The following BCKDHA variants were observed in gnomAD, a reference collection of about 807,000 sequenced individuals.
BCKDHA encodes the protein 2-oxoisovalerate dehydrogenase subunit alpha, mitochondrial.
BCKDHA carries 43 observed loss-of-function variants against 52.2 expected under a neutral mutation model. That is an observed-to-expected ratio of 0.82 (90% CI 0.64 to 1.06). The LOEUF (loss-of-function observed/expected upper bound fraction) is 1.06, where lower values mean the gene tolerates loss of function less well. Ranked by LOEUF, BCKDHA falls within the 50% of genes least tolerant of loss-of-function variation. The pLI, the probability that BCKDHA is intolerant of heterozygous loss-of-function variation, is 0.00. For synonymous variants in BCKDHA, 234 were observed against 247.9 expected (o/e 0.94, Z 0.53); for missense variants, 527 against 621.3 (o/e 0.85, Z 1.61).
At chr19:41,411,206 C>A (rs2039250384) in intron 3 of BCKDHA, among the ~76,000 whole-genome samples, 197 bp downstream of exon 3, 1 of 152,114 alleles carries the variant, frequency 6.6e-6, no homozygotes, top group Non-Finnish European at 1.5e-5. Flanking sequence ...TGGACCTGAT[C>A]ACTAAAAAAC....
At chr19:41,401,466 T>A (rs2039138291) in intron 1 of BCKDHA, among the ~76,000 whole-genome samples, 2 of 152,152 alleles carry the variant, frequency 1.3e-5, no homozygotes, top group South Asian at 4.1e-4. Flanking sequence ...GATTACTGGG[T>A]TCACTGGGGA....
At chr19:41,413,926 G>C in intron 3 of BCKDHA, 123 bp from the exon 4 acceptor site, 1 of 842,444 alleles carries the variant, frequency 1.2e-6, no homozygotes, top group Non-Finnish European at 2.0e-6. Context: ...GCCTGGCCCA[G>C]GACTGGCCTT....
At chr19:41,413,984 G>T in intron 3 of BCKDHA, 65 bp from the exon 4 acceptor site, 1 of 1,373,124 alleles carries the variant, frequency 7.3e-7, no homozygotes. Context: ...GGCAGGATTT[G>T]GATGGCTCTC....
chr19:41,421,942 T>G (rs1359600466), intron 5 of BCKDHA, among the ~76,000 whole-genome samples: 1 of 152,070 alleles, frequency 6.6e-6, no homozygotes, highest in Admixed American at 6.5e-5. Flanking sequence ...ACTGGACTCT[T>G]CAGCCTGAGC....
Position 41,422,335 on chromosome 19 carries a change from C to T in BCKDHA, c.818C>T (p.Thr273Met), listed in dbSNP as rs1260556921. The T allele has an allele frequency of 4.3e-6, 7 of 1,614,106 alleles. No individual in the cohort carries two copies. Among genetic ancestry groups the T allele is most frequent in the African/African-American group, 4.0e-5 (3 of 74,936 alleles). ...CGGAACAATGGCTACGCCATCTCCA[C>T]GCCCACCTCTGAGCAGTATCGCGGC... ...FCRNNGYAIS[T>M]PTSEQYRGDG... Residue 273 changes from threonine (T) to methionine (M), a missense_variant, in exon 6 of 9, where the codon ACG (threonine) becomes ATG (methionine). By Grantham distance (81) the Thr-to-Met change is moderately conservative. Coordinates refer to ENST00000269980, the MANE Select transcript of BCKDHA (RefSeq NM_000709.4).
intron 1 of BCKDHA, among the ~76,000 whole-genome samples, chr19:41,399,076 GA>G (rs2039108439): frequency 6.6e-6 from 1 of 151,994 alleles, no homozygotes; most frequent in Non-Finnish European, 1.5e-5. Flanking sequence ...AGGCCCTGGG[GA>G]AAAAAATCTG....
chr19:41,420,196 T>C lies in BCKDHA; in HGVS notation c.646+900T>C, dbSNP rs138062013. On this transcript the variant is annotated intron_variant, in intron 5 of 8. Coordinates refer to ENST00000269980, the MANE Select transcript of BCKDHA (RefSeq NM_000709.4). ...CTGGATTTCCCAACCACATGCCTAC[T>C]GCATTTGTCTGCTCACAAACATAGC... 1.5e-3 allele frequency among the ~76,000 whole-genome samples: 234 copies of C among 152,328 alleles called. 1 individual carries two copies. The highest frequency in any genetic ancestry group is 5.4e-3 in the African/African-American group (226 of 41,582).
chr19:41,423,834 A>G (rs1190106591), intron 8 of BCKDHA, among the ~76,000 whole-genome samples: 2 of 150,750 alleles, frequency 1.3e-5, no homozygotes, highest in Non-Finnish European at 3.0e-5. Flanking sequence ...CTCCATCTCA[A>G]AAAAAAAAAT....
At chr19:41,410,593 G>A (rs1758071750) in intron 1 of BCKDHA, 44 bp from the exon 2 acceptor site, 1 of 1,611,978 alleles carries the variant, frequency 6.2e-7, no homozygotes, top group Non-Finnish European at 8.5e-7. Context: ...GGAAACCTGG[G>A]TGCTGCTTCT....
chr19:41,404,797 G>A (rs961150694), intron 1 of BCKDHA, among the ~76,000 whole-genome samples: 5 of 151,886 alleles, frequency 3.3e-5, no homozygotes, highest in African/African-American at 9.7e-5. Flanking sequence ...TTTCACCATC[G>A]TGATCAGCCT....
chr19:41,412,394 T>TTTTTTTTTTTG (rs1349425347), intron 3 of BCKDHA, among the ~76,000 whole-genome samples: 1 of 137,758 alleles, frequency 7.3e-6, no homozygotes. Flanking sequence ...TTTTTTTTTT[T>TTTTTTTTTTTG]TTTTACTTTT....
chr19:41,422,480 C>T (rs2039378444), intron 6 of BCKDHA, 110 bp downstream of exon 6: 2 of 1,571,344 alleles, frequency 1.3e-6, no homozygotes, highest in African/African-American at 2.7e-5. Flanking sequence ...CGTCCTGTGT[C>T]CTGTGGCGTC....
At chr19:41,418,843 G>T in intron 4 of BCKDHA, 1 of 434,140 alleles carries the variant, frequency 2.3e-6, no homozygotes, top group South Asian at 1.9e-5. Context: ...CCTGGCCATA[G>T]TAATGATTTA....
intron 1 of BCKDHA, among the ~76,000 whole-genome samples, chr19:41,409,252 C>T (rs996386956): frequency 2.6e-5 from 4 of 152,166 alleles, no homozygotes; most frequent in Admixed American, 6.5e-5. Context: ...TACACCTTGC[C>T]GAGAATGTGC....
At chr19:41,404,898 C>T (rs916546631) in intron 1 of BCKDHA, among the ~76,000 whole-genome samples, 18 of 152,220 alleles carry the variant, frequency 1.2e-4, no homozygotes, top group Admixed American at 5.2e-4. Context: ...CCACCGCACC[C>T]AGCCATATTA....
chr19:41,402,940 C>G (rs1440657431), intron 1 of BCKDHA, among the ~76,000 whole-genome samples: 2 of 152,130 alleles, frequency 1.3e-5, no homozygotes, highest in African/African-American at 4.8e-5. Context: ...CATGTGTGGC[C>G]GGGCAGGTGA....
In BCKDHA at chr19:41,424,448, C is replaced by A; in HGVS notation, c.1178C>A (p.Ala393Asp). The A allele has an allele frequency of 6.2e-7, 1 of 1,614,042 alleles. No individual in the cohort carries two copies. The highest frequency in any genetic ancestry group is 8.5e-7 in the Non-Finnish European group (1 of 1,180,032). Residue 393 changes from alanine to aspartate, a missense_variant, in exon 9 of 9, where the codon GCC becomes GAC. Coordinates refer to ENST00000269980, the MANE Select transcript of BCKDHA (RefSeq NM_000709.4). ...CCCATGTCCCCACAGGTGATGGAGG[C>A]CTTTGAGCAGGCCGAGCGGAAGCCC... is the stretch of plus-strand genomic sequence containing the variant. ...RKQSRRKVME[A>D]FEQAERKPKP...
At chr19:41,418,991 G>A in intron 4 of BCKDHA, 144 bp from the exon 5 acceptor site, 2 of 957,278 alleles carry the variant, frequency 2.1e-6, no homozygotes, top group Admixed American at 2.0e-5. Flanking sequence ...GCTGGGCAGA[G>A]TCAGTCAGTC....
At chr19:41,406,600 A>G (rs1413122304) in intron 1 of BCKDHA, among the ~76,000 whole-genome samples, 1 of 134,260 alleles carries the variant, frequency 7.4e-6, no homozygotes, top group Non-Finnish European at 1.6e-5. Context: ...ATAGAGTCTC[A>G]CTCTTGTCAC....
Sources: allele counts gnomAD v4.1 joint callset (sites outside exome capture counted in the v4.1 genomes callset), GRCh38; gene constraint gnomAD v4.1.1; transcripts MANE v1.5; gene names NCBI Gene and HGNC (gene_info 2026-07-23, HGNC 2026-07-21).